PKHD1L1: variants seen among roughly 807,000 people sequenced by gnomAD.
PKHD1L1 encodes fibrocystin-L.
In PKHD1L1, 434 loss-of-function variants were observed where a neutral mutation model predicts 462.9. The ratio of observed to expected loss-of-function variants is 0.94; its 90% CI spans 0.87 to 1.02. The LOEUF is 1.02. Among genes scored for constraint, PKHD1L1 ranks in the 50% least tolerant of loss-of-function variants. PKHD1L1 has a pLI of 0.00. For missense variants in PKHD1L1, 5,202 were observed against 5,096.1 expected (o/e 1.02, Z -0.63); for synonymous variants, 1,781 against 1,750.0 (o/e 1.02, Z -0.44).
chr8:109,365,093 C>T (rs1247421733), intron 2 of PKHD1L1, among the ~76,000 whole-genome samples: 7 of 152,140 alleles, frequency 4.6e-5, no homozygotes, highest in Admixed American at 1.3e-4. Flanking sequence ...GCCACCCAAC[C>T]TCAGGCTTCA....
At chr8:109,442,531 T>A (rs902544961) in intron 35 of PKHD1L1, among the ~76,000 whole-genome samples, 4 of 152,216 alleles carry the variant, frequency 2.6e-5, no homozygotes, top group African/African-American at 9.6e-5. Flanking sequence ...TTTGACTGAC[T>A]GAAATCAATT....
chr8:109,386,494 A>G (rs1420711984), intron 6 of PKHD1L1, among the ~76,000 whole-genome samples: 1 of 152,220 alleles, frequency 6.6e-6, no homozygotes, highest in Non-Finnish European at 1.5e-5. Context: ...ACATACAAAT[A>G]CATAATTTTG....
At chr8:109,436,221 C>A in intron 29 of PKHD1L1, 117 bp from the exon 30 acceptor site, 1 of 1,049,240 alleles carries the variant, frequency 9.5e-7, no homozygotes, top group Non-Finnish European at 1.4e-6. Context: ...TTGGCCAGTA[C>A]ATCTCTTGGA....
chr8:109,402,083 G>T (rs981763459), intron 14 of PKHD1L1, among the ~76,000 whole-genome samples: 4 of 152,108 alleles, frequency 2.6e-5, no homozygotes, highest in Non-Finnish European at 4.4e-5. Context: ...AGTGTTGAAA[G>T]GTCAAGTCCA....
At position 109,464,650 on chromosome 8, in the gene PKHD1L1, T is replaced by A. The variant is rs553490827; in HGVS notation, c.7818T>A (p.Val2606=). 6.2e-7 allele frequency: 1 copy of A among 1,612,910 alleles called. No individual in the cohort carries two copies. The highest frequency in any genetic ancestry group is 1.3e-5 in the African/African-American group (1 of 75,026). ...ACAGAAACATTTGTCAAAAAAGAGT[T>A]CCCCTTGGCGAATTTTTTAACAATA... The part of the protein sequence containing the change: ...SYDRNICQKR[V]PLGEFFNNTV... The change falls in exon 49 of 78, where the codon GTT becomes GTA. Residue 2606 remains valine (V), a synonymous_variant. Coordinates refer to ENST00000378402, the MANE Select transcript of PKHD1L1 (RefSeq NM_177531.6).
At chr8:109,362,715 T>G in intron 1 of PKHD1L1, 62 bp downstream of exon 1, 4 of 1,517,102 alleles carry the variant, frequency 2.6e-6, no homozygotes, top group Middle Eastern at 1.7e-4. Flanking sequence ...CTACCCCTGC[T>G]CCCGGGGTCC....
At chr8:109,450,852 G>C in intron 40 of PKHD1L1, 123 bp from the exon 41 acceptor site, 1 of 934,054 alleles carries the variant, frequency 1.1e-6, no homozygotes, top group Non-Finnish European at 1.6e-6. Flanking sequence ...ATGTAGCCTA[G>C]GTATATTGGA....
At chr8:109,505,459 A>G (rs1005613916) in intron 68 of PKHD1L1, among the ~76,000 whole-genome samples, 1 of 152,220 alleles carries the variant, frequency 6.6e-6, no homozygotes, top group Non-Finnish European at 1.5e-5. Context: ...CCGTAGAATA[A>G]TATATCTAAT....
chr8:109,400,236 C>T lies in PKHD1L1; in HGVS notation c.1173C>T (p.Arg391=). 6.2e-7 allele frequency: 1 copy of T among 1,613,624 alleles called. No homozygotes were observed. The highest frequency in any genetic ancestry group is 8.5e-7 in the Non-Finnish European group (1 of 1,179,666). Reference sequence around the variant, plus strand: ...TGGAACAAGACACATTTGTTGCACGCTTTAGTGGATTTTTGGTGGCTCCAG... The same window carrying T: ...TGGAACAAGACACATTTGTTGCACGTTTTAGTGGATTTTTGGTGGCTCCAG... ...WLMEQDTFVA[R]FSGFLVAPDS... The change falls in exon 13 of 78, where the codon CGC becomes CGT. Residue 391 remains arginine (R), a synonymous_variant. Coordinates refer to ENST00000378402, the MANE Select transcript of PKHD1L1 (RefSeq NM_177531.6).
chr8:109,407,318 G>A (rs2130574512), intron 17 of PKHD1L1, among the ~76,000 whole-genome samples: 1 of 152,264 alleles, frequency 6.6e-6, no homozygotes, highest in Admixed American at 6.5e-5. Context: ...AAGTTAGATT[G>A]TCAAAATACT....
In PKHD1L1 at chr8:109,454,719, G is replaced by T; in HGVS notation, c.6745-4G>T. The stretch of plus-strand genomic sequence containing the variant: ...CTGAATGGCATTTGTGACATCTTTT[G>T]CAGATTGGAACAGAGACATCCCCAT... On this transcript the variant is annotated splice_polypyrimidine_tract_variant and splice_region_variant and intron_variant, in intron 44 of 77. Transcript: ENST00000378402. 2 of 1,612,468 alleles carry T rather than the reference G, an allele frequency of 1.2e-6. No homozygotes were observed. The highest frequency in any genetic ancestry group is 1.7e-6 in the Non-Finnish European group (2 of 1,179,226).
intron 45 of PKHD1L1, among the ~76,000 whole-genome samples, chr8:109,455,888 G>C (rs796481159): frequency 6.6e-6 from 1 of 151,894 alleles, no homozygotes; most frequent in African/African-American, 2.4e-5. Flanking sequence ...ATCTACATTT[G>C]ACTCTAGATT....
intron 50 of PKHD1L1, among the ~76,000 whole-genome samples, chr8:109,471,616 C>A (rs1673393): frequency 0.55 from 83,674 of 151,970 alleles, 23,228 homozygotes; most frequent in South Asian, 0.69. Flanking sequence ...ATCTACCTCA[C>A]GGTAACAAGA....
At chr8:109,507,459 C>A (rs1174392258) in intron 68 of PKHD1L1, among the ~76,000 whole-genome samples, 1 of 152,088 alleles carries the variant, frequency 6.6e-6, no homozygotes, top group Admixed American at 6.6e-5. Context: ...TTAATGAATT[C>A]ATAATCATAG....
At chr8:109,432,594 CT>C (rs1326903389) in intron 27 of PKHD1L1, among the ~76,000 whole-genome samples, 2 of 151,976 alleles carry the variant, frequency 1.3e-5, no homozygotes, top group African/African-American at 4.8e-5. Context: ...ATGGAAGAAC[CT>C]TAAGTTTAAG....
In PKHD1L1 at chr8:109,427,082, C is replaced by A. The variant is rs747975032; in HGVS notation, c.2926C>A (p.Arg976=). 6.2e-7 allele frequency: 1 copy of A among 1,613,950 alleles called. No individual in the cohort carries two copies. The highest frequency in any genetic ancestry group is 8.5e-7 in the Non-Finnish European group (1 of 1,179,864). The change falls in exon 25 of 78, where the codon CGA becomes AGA. Residue 976 remains arginine, a synonymous_variant. Coordinates refer to ENST00000378402, the MANE Select transcript of PKHD1L1 (RefSeq NM_177531.6). ...GGGAATGGGAAGAATCTCAGTTACA[C>A]GAGAGGGAACCTGTGCTGGCTACGC... ...LEGMGRISVT[R]EGTCAGYAWN...
intron 23 of PKHD1L1, 150 bp from the exon 24 acceptor site, chr8:109,424,935 G>A (rs1377792176): frequency 3.2e-6 from 2 of 623,950 alleles, no homozygotes. Context: ...GGCCTGTGTT[G>A]ATTTATGTGA....
chr8:109,439,220 G>T, intron 32 of PKHD1L1, 128 bp downstream of exon 32: 2 of 818,948 alleles, frequency 2.4e-6, no homozygotes, highest in Non-Finnish European at 3.8e-6. Context: ...TATCTTCTTT[G>T]GCAAAAGATG....
chr8:109,522,780 G>A lies in PKHD1L1; in HGVS notation c.12220G>A (p.Val4074Ile), dbSNP rs573232529. The change falls in exon 75 of 78, where the codon GTT becomes ATT. Residue 4074 changes from valine (V) to isoleucine (I), a missense_variant. Physicochemically the swap from Val to Ile is conservative, Grantham distance 29. Coordinates refer to ENST00000378402, the MANE Select transcript of PKHD1L1 (RefSeq NM_177531.6). ...GCCAGTTGAAAGGTCTGCATTTCCT[G>A]TTCATCACGTGGCCTTCGTGTCCTC... Reference protein sequence around the residue: ...AQPVERSAFPVHHVAFVSSLL... With the variant: ...AQPVERSAFPIHHVAFVSSLL... 1.6e-5 allele frequency: 25 copies of A among 1,611,902 alleles called. No homozygotes were observed. In the Admixed American group the frequency reaches 1.9e-4, roughly 12 times the overall value.
Sources: gnomAD v4.1 joint callset for allele counts (sites outside exome capture counted in the v4.1 genomes callset) on GRCh38, gnomAD v4.1.1 for gene constraint, MANE v1.5 for transcripts, NCBI Gene and HGNC (gene_info 2026-07-23, HGNC 2026-07-21) for gene names.